TNIK: variants seen among roughly 807,000 people sequenced by gnomAD.
TNIK encodes the protein TRAF2 and NCK-interacting protein kinase.
A neutral mutation model predicts 191.3 loss-of-function variants in TNIK; 49 were observed. The ratio of observed to expected loss-of-function variants is 0.26; its 90% CI spans 0.20 to 0.32. The LOEUF is 0.32. Among genes scored for constraint, TNIK ranks in the 10% least tolerant of loss-of-function variants. The pLI is 1.00. For missense variants in TNIK, 1,155 were observed against 1,702.3 expected (o/e 0.68, Z 5.66); for synonymous variants, 594 against 600.9 (o/e 0.99, Z 0.17).
At chr3:171,112,042 C>T (rs761132536) in intron 18 of TNIK, among the ~76,000 whole-genome samples, 2 of 151,876 alleles carry the variant, frequency 1.3e-5, no homozygotes, top group Non-Finnish European at 2.9e-5. Flanking sequence ...TTGAAAATTG[C>T]GAAGATAGTA....
Position 171,159,547 on chromosome 3 carries a change from G to T in TNIK, c.1016+1723C>A, listed in dbSNP as rs1733702674. 1.3e-5 allele frequency among the ~76,000 whole-genome samples: 2 copies of T among 152,074 alleles called. No individual in the cohort carries two copies. ...TCAAACTCTAAAACCCCAAACGATG[G>T]TGCTTATCTACACAGGCCACTTGCC... On this transcript the variant is annotated intron_variant, in intron 11 of 32. Coordinates refer to ENST00000436636, the MANE Select transcript of TNIK (RefSeq NM_015028.4). This position sits in a 1 kb window ranked among gnomAD's most constrained non-coding sequence, Gnocchi z 4.1.
In TNIK at chr3:171,203,421, G is replaced by A. The variant is rs377689322; in HGVS notation, c.306+7695C>T. Among the ~76,000 whole-genome samples the A allele has an allele frequency of 4.3e-4, 65 of 152,316 alleles. No individual in the cohort carries two copies. In the South Asian group the frequency reaches 8.9e-3, roughly 21 times the overall value. On this transcript the variant is annotated intron_variant, in intron 4 of 32. Transcript: ENST00000436636. ...TGAGTATGTATGGAAGACAACAGGG[G>A]ATGTTGGGGCCTCTGGTGCAAATTT...
chr3:171,239,543 A>G (rs753527756), intron 2 of TNIK, among the ~76,000 whole-genome samples: 1 of 152,220 alleles, frequency 6.6e-6, no homozygotes, highest in Non-Finnish European at 1.5e-5. Flanking sequence ...TGAAAGAAAT[A>G]ATTATGGCCT....
rs562937908 is a variant in TNIK at position 171,137,979 on chromosome 3, A to C, written c.1608+212T>G. Among the ~76,000 whole-genome samples the C allele has an allele frequency of 4.5e-3, 584 of 130,086 alleles. 5 individuals carry two copies. The highest frequency in any genetic ancestry group is 0.014 in the African/African-American group (499 of 34,474). 85.3% of individuals were successfully genotyped at this position (130,086 alleles called of 152,430 possible). ...ACCACAAAGATATACAAAAAAAAAA[A>C]AAAAACAAAAACAAAACCTCACAAA... On this transcript the variant is annotated intron_variant, in intron 15 of 32. Coordinates refer to ENST00000436636, the MANE Select transcript of TNIK (RefSeq NM_015028.4).
At chr3:171,149,894 A>G (rs1018333483) in intron 12 of TNIK, among the ~76,000 whole-genome samples, 12 of 152,232 alleles carry the variant, frequency 7.9e-5, no homozygotes, top group African/African-American at 2.9e-4. Flanking sequence ...CACAGGACAC[A>G]CTGGGACACC....
intron 4 of TNIK, among the ~76,000 whole-genome samples, chr3:171,207,594 G>A (rs68114005): frequency 0.26 from 40,065 of 151,958 alleles, 5,599 homozygotes; most frequent in East Asian, 0.5. Flanking sequence ...TGATTGAGAG[G>A]GAGAGCAAGG....
chr3:171,174,837 G>GTA (rs1352360540), intron 9 of TNIK, among the ~76,000 whole-genome samples: 2 of 152,176 alleles, frequency 1.3e-5, no homozygotes, highest in East Asian at 3.9e-4. Flanking sequence ...ACATTACCTG[G>GTA]TATGTATATG....
intron 19 of TNIK, among the ~76,000 whole-genome samples, chr3:171,108,703 G>T (rs755607208): frequency 1.4e-4 from 21 of 152,172 alleles, no homozygotes; most frequent in African/African-American, 2.4e-4. Flanking sequence ...TTGAAATTTT[G>T]TGAGGGAAAA....
At chr3:171,166,361 A>T (rs1734618746) in intron 10 of TNIK, among the ~76,000 whole-genome samples, 1 of 152,170 alleles carries the variant, frequency 6.6e-6, no homozygotes, top group Non-Finnish European at 1.5e-5. Flanking sequence ...AATGTTCCCT[A>T]ATATACAGTA....
chr3:171,123,843 C>T (rs767814454), intron 17 of TNIK, 141 bp from the exon 18 acceptor site: 6 of 531,748 alleles, frequency 1.1e-5, no homozygotes, highest in Non-Finnish European at 1.8e-5. Context: ...ATTCATTCCT[C>T]GAAGAAATAT....
rs1358980146 is a variant in TNIK, at chr3:171,280,291, T to C, written c.124-52070A>G. 3.3e-5 allele frequency among the ~76,000 whole-genome samples: 5 copies of C among 152,174 alleles called. No homozygotes were observed. In the East Asian group the frequency reaches 9.6e-4, roughly 29 times the overall value. On this transcript the variant is annotated intron_variant, in intron 2 of 32. Transcript: ENST00000436636. ...TCTCACAGCTGCTGACCACTGTAGA[T>C]GAGAATTTTTGAACTGGGTGAGAAA...
intron 2 of TNIK, among the ~76,000 whole-genome samples, chr3:171,294,740 A>AATG (rs1247694742): frequency 1.3e-5 from 2 of 152,102 alleles, no homozygotes; most frequent in Non-Finnish European, 2.9e-5. Flanking sequence ...TAATAATAAT[A>AATG]ATGAATGACA....
chr3:171,120,611 G>A (rs538944278), intron 18 of TNIK, among the ~76,000 whole-genome samples: 14 of 152,106 alleles, frequency 9.2e-5, no homozygotes, highest in African/African-American at 2.2e-4. Flanking sequence ...GAGCCACCGC[G>A]CCCGGCCTCT....
intron 1 of TNIK, among the ~76,000 whole-genome samples, chr3:171,423,316 C>T (rs1724069770): frequency 6.6e-6 from 1 of 152,124 alleles, no homozygotes; most frequent in Non-Finnish European, 1.5e-5. Flanking sequence ...CAAACCACTG[C>T]TCAATGAAAT....
At chr3:171,216,098 T>C (rs1741423690) in intron 3 of TNIK, among the ~76,000 whole-genome samples, 1 of 152,206 alleles carries the variant, frequency 6.6e-6, no homozygotes, top group South Asian at 2.1e-4. Context: ...ACCTTCAGCA[T>C]TGACTGAATG....
In TNIK at chr3:171,079,655, G is replaced by A; in HGVS notation, c.3314-3C>T. 6.2e-7 allele frequency: 1 copy of A among 1,604,806 alleles called. No individual in the cohort carries two copies. Among genetic ancestry groups the A allele is most frequent in the Non-Finnish European group, 8.5e-7 (1 of 1,175,548 alleles). ...AACTCGTAGCTTATTCTTCTTTCCT[G>A]TTGAAATAATAGAGGTTTAATTTCA... is the stretch of plus-strand genomic sequence containing the variant. On this transcript the variant is annotated splice_region_variant and splice_polypyrimidine_tract_variant and intron_variant, in intron 27 of 32. Transcript: ENST00000436636.
intron 1 of TNIK, among the ~76,000 whole-genome samples, chr3:171,434,321 G>T (rs1053935538): frequency 6.6e-6 from 1 of 151,920 alleles, no homozygotes; most frequent in Admixed American, 6.5e-5. Flanking sequence ...TATTTATTTT[G>T]TATCCAGCCA....
intron 1 of TNIK, 81 bp downstream of exon 1, chr3:171,459,926 G>A: frequency 1.0e-5 from 6 of 590,382 alleles, no homozygotes; most frequent in Non-Finnish European, 1.8e-5. Context: ...CCCTGCCCCA[G>A]CCCCAGCCCC....
intron 12 of TNIK, among the ~76,000 whole-genome samples, chr3:171,149,168 C>G (rs1033957395): frequency 1.3e-5 from 2 of 152,156 alleles, no homozygotes; most frequent in African/African-American, 4.8e-5. Flanking sequence ...TGTGAACACA[C>G]AAAACATACA....
Sources: gnomAD v4.1 joint callset for allele counts (sites outside exome capture counted in the v4.1 genomes callset) on GRCh38, gnomAD v4.1.1 for gene constraint, Gnocchi (gnomAD v3.1) non-coding constraint, MANE v1.5 for transcripts, NCBI Gene and HGNC (gene_info 2026-07-23, HGNC 2026-07-21) for gene names.